The following KCNIP4 variants were observed in gnomAD, a reference collection of about 807,000 sequenced individuals.
KCNIP4 encodes Kv channel-interacting protein 4.
In KCNIP4, 12 loss-of-function variants were observed where a neutral mutation model predicts 34.0. The observed-to-expected ratio is 0.35, with a 90% confidence interval of 0.23 to 0.57. The LOEUF (loss-of-function observed/expected upper bound fraction) is 0.57. Ranked by LOEUF, KCNIP4 falls within the 20% of genes least tolerant of loss-of-function variation. The pLI is 0.83. For synonymous variants in KCNIP4, 124 were observed against 102.2 expected, an observed-to-expected ratio of 1.21 and a Z score of -1.29; for missense variants, 238 against 311.7, an observed-to-expected ratio of 0.76 and a Z score of 1.78.
chr4:20,915,040 T>A (rs1247207033), intron 1 of KCNIP4, among the ~76,000 whole-genome samples: 6 of 152,188 alleles, frequency 3.9e-5, no homozygotes, highest in Admixed American at 3.9e-4. Context: ...AAAAACAAGT[T>A]CTATCATTGC....
intron 1 of KCNIP4, among the ~76,000 whole-genome samples, chr4:20,995,551 T>C (rs1245369178): frequency 2.6e-5 from 4 of 152,168 alleles, no homozygotes; most frequent in African/African-American, 9.7e-5. Context: ...TGAGAACCCG[T>C]TCCCATTTGC....
At chr4:21,333,030 T>A (rs1715811465) in intron 1 of KCNIP4, among the ~76,000 whole-genome samples, 1 of 152,096 alleles carries the variant, frequency 6.6e-6, no homozygotes. Flanking sequence ...TGAAATGCTG[T>A]TTCCCTGAAG....
At chr4:21,447,332 C>G (rs753980918) in intron 1 of KCNIP4, among the ~76,000 whole-genome samples, 21 of 152,160 alleles carry the variant, frequency 1.4e-4, no homozygotes, top group Non-Finnish European at 2.4e-4. Context: ...AAAAAATTCT[C>G]TCCCAGGCCT....
At chr4:21,361,998 G>A (rs1578128997) in intron 1 of KCNIP4, among the ~76,000 whole-genome samples, 2 of 151,968 alleles carry the variant, frequency 1.3e-5, no homozygotes, top group Admixed American at 1.3e-4. Flanking sequence ...CCCCAAAGAA[G>A]TGCCTGCCTA....
At chr4:21,005,758 G>A (rs994836293) in intron 1 of KCNIP4, among the ~76,000 whole-genome samples, 1 of 152,138 alleles carries the variant, frequency 6.6e-6, no homozygotes, top group Non-Finnish European at 1.5e-5. Flanking sequence ...TTTGAATGCA[G>A]AGTGACTTTG....
At chr4:21,666,866 T>C (rs1006518981) in intron 1 of KCNIP4, among the ~76,000 whole-genome samples, 1 of 152,220 alleles carries the variant, frequency 6.6e-6, no homozygotes, top group Non-Finnish European at 1.5e-5. Flanking sequence ...TGGGTTCTTC[T>C]CCTGCTTACC....
chr4:20,828,820 TG>T (rs769093294), intron 3 of KCNIP4, among the ~76,000 whole-genome samples: 23 of 152,326 alleles, frequency 1.5e-4, no homozygotes, highest in Middle Eastern at 3.4e-3. Flanking sequence ...GTATGGATGC[TG>T]GATGCAAGGA....
intron 1 of KCNIP4, among the ~76,000 whole-genome samples, chr4:21,175,516 A>C (rs1268470286): frequency 2.0e-5 from 3 of 152,112 alleles, no homozygotes; most frequent in Non-Finnish European, 4.4e-5. Flanking sequence ...TTTTTCCTTA[A>C]CTAGACAACT....
At chr4:20,884,801 A>T (rs1477049340) in intron 1 of KCNIP4, among the ~76,000 whole-genome samples, 1 of 151,542 alleles carries the variant, frequency 6.6e-6, no homozygotes, top group African/African-American at 2.4e-5. Context: ...TCCAGGTTCA[A>T]GCAATTCTCT....
intron 1 of KCNIP4, among the ~76,000 whole-genome samples, chr4:20,990,417 A>G (rs767869077): frequency 6.6e-5 from 10 of 152,194 alleles, no homozygotes; most frequent in Non-Finnish European, 1.5e-4. Flanking sequence ...CCATTAAACT[A>G]TTAAGTACCA....
chr4:20,749,820 A>G (rs1753259173), intron 4 of KCNIP4, 88 bp from the exon 5 acceptor site: 1 of 792,732 alleles, frequency 1.3e-6, no homozygotes, highest in Non-Finnish European at 2.0e-6. Context: ...CCTTTGATCC[A>G]GAAGAATTAA....
chr4:20,780,214 G>A (rs2149390780), intron 3 of KCNIP4, among the ~76,000 whole-genome samples: 1 of 152,296 alleles, frequency 6.6e-6, no homozygotes, highest in South Asian at 2.1e-4. Context: ...CAGTTGAATG[G>A]ATATAAGGTT....
At chr4:21,250,353 T>C (rs1760614193) in intron 1 of KCNIP4, among the ~76,000 whole-genome samples, 2 of 152,168 alleles carry the variant, frequency 1.3e-5, no homozygotes. Context: ...CATAGCACAA[T>C]TATTTGTGTA....
At chr4:21,022,866 C>T (rs974479632) in intron 1 of KCNIP4, among the ~76,000 whole-genome samples, 6 of 151,998 alleles carry the variant, frequency 3.9e-5, no homozygotes, top group Admixed American at 1.3e-4. Flanking sequence ...TGCTTTTTCG[C>T]CCAGTCTGGA....
chr4:21,051,491 C>G (rs75292845), intron 1 of KCNIP4, among the ~76,000 whole-genome samples: 21,022 of 152,028 alleles, frequency 0.14, 1,692 homozygotes, highest in East Asian at 0.24. Flanking sequence ...TCTAGGGATT[C>G]ATATTGTAAA....
At chr4:21,492,016 C>T (rs527972543) in intron 1 of KCNIP4, among the ~76,000 whole-genome samples, 1 of 152,198 alleles carries the variant, frequency 6.6e-6, no homozygotes, top group South Asian at 2.1e-4. Context: ...ATTTTACCTC[C>T]AAAGATAGAT....
At chr4:20,852,620 A>G (rs1207273316) in intron 2 of KCNIP4, among the ~76,000 whole-genome samples, 8 of 152,194 alleles carry the variant, frequency 5.3e-5, no homozygotes, top group Non-Finnish European at 2.9e-5. Context: ...TAGAAATCCT[A>G]GCCAGAGCAA....
At chr4:21,792,342 A>G (rs4260532) in intron 1 of KCNIP4, among the ~76,000 whole-genome samples, 121,109 of 152,074 alleles carry the variant, frequency 0.8, 53,365 homozygotes, top group Non-Finnish European at 0.97. Flanking sequence ...TTTCCACTAC[A>G]CTCTGCTTCT....
intron 1 of KCNIP4, among the ~76,000 whole-genome samples, chr4:21,503,139 T>C (rs1733503318): frequency 6.6e-6 from 1 of 152,180 alleles, no homozygotes; most frequent in African/African-American, 2.4e-5. Context: ...TTATAAAGAA[T>C]ATTACATTTG....
Sources: gnomAD v4.1 joint callset for allele counts (sites outside exome capture counted in the v4.1 genomes callset) on GRCh38, gnomAD v4.1.1 for gene constraint, MANE v1.5 for transcripts, NCBI Gene and HGNC (gene_info 2026-07-23, HGNC 2026-07-21) for gene names.